PLCB1: variants seen among roughly 807,000 people sequenced by gnomAD.
PLCB1 encodes 1-phosphatidylinositol 4,5-bisphosphate phosphodiesterase beta-1.
Under a neutral mutation model 161.8 loss-of-function variants are expected in PLCB1, and 46 were observed. The ratio of observed to expected loss-of-function variants is 0.28; its 90% confidence interval spans 0.22 to 0.36. The LOEUF (loss-of-function observed/expected upper bound fraction) is 0.36. Ranked by LOEUF, PLCB1 falls within the 10% of genes least tolerant of loss-of-function variation. The pLI is 1.00. For synonymous variants in PLCB1, 517 were observed against 503.7 expected (o/e 1.03, Z -0.35); for missense variants, 1,016 against 1,472.5 (o/e 0.69, Z 5.07).
chr20:8,837,360 G>A (rs962295622), intron 31 of PLCB1, among the ~76,000 whole-genome samples: 21 of 152,256 alleles, frequency 1.4e-4, no homozygotes, highest in South Asian at 4.2e-4. Flanking sequence ...ATTTATAATA[G>A]AAAAGTTTGG....
intron 3 of PLCB1, among the ~76,000 whole-genome samples, chr20:8,590,471 T>C (rs867880045): frequency 5.9e-5 from 9 of 152,156 alleles, no homozygotes; most frequent in African/African-American, 2.2e-4. Context: ...GTTGTTGTTG[T>C]TGCTATTTCT....
intron 12 of PLCB1, among the ~76,000 whole-genome samples, chr20:8,711,753 C>T (rs1188112502): frequency 2.0e-5 from 3 of 152,144 alleles, no homozygotes; most frequent in African/African-American, 7.2e-5. Flanking sequence ...CCGTGCTTGA[C>T]TTGTGAGCCA....
chr20:8,518,703 G>A (rs1353333904), intron 3 of PLCB1, among the ~76,000 whole-genome samples: 1 of 151,912 alleles, frequency 6.6e-6, no homozygotes, highest in Non-Finnish European at 1.5e-5. Flanking sequence ...GAGGGCTGAT[G>A]GTTTCAGGAT....
intron 3 of PLCB1, among the ~76,000 whole-genome samples, chr20:8,387,410 C>T (rs537849384): frequency 6.6e-6 from 1 of 152,296 alleles, no homozygotes; most frequent in South Asian, 2.1e-4. Flanking sequence ...GCCAATGGAG[C>T]AGTCAGTACC....
At chr20:8,233,777 G>A (rs1166518278) in intron 2 of PLCB1, among the ~76,000 whole-genome samples, 1 of 152,056 alleles carries the variant, frequency 6.6e-6, no homozygotes, top group Non-Finnish European at 1.5e-5. Flanking sequence ...CTAATCTTCT[G>A]GCTTTAACAG....
chr20:8,872,921 C>T (rs1255192251), intron 31 of PLCB1, among the ~76,000 whole-genome samples: 1 of 152,192 alleles, frequency 6.6e-6, no homozygotes, highest in African/African-American at 2.4e-5. Context: ...ATTCTGTTAA[C>T]TGTGAGTTCC....
intron 31 of PLCB1, among the ~76,000 whole-genome samples, chr20:8,849,643 T>C (rs1171146054): frequency 2.0e-5 from 3 of 150,808 alleles, no homozygotes; most frequent in African/African-American, 4.9e-5. Context: ...GCCACTGCAC[T>C]CCAGCCTGGG....
intron 3 of PLCB1, among the ~76,000 whole-genome samples, chr20:8,538,266 A>G (rs1387532616): frequency 6.6e-6 from 1 of 152,250 alleles, no homozygotes; most frequent in Non-Finnish European, 1.5e-5. Flanking sequence ...TAAAAAATTC[A>G]CTTATTAGAA....
chr20:8,742,007 A>C (rs1173175018), intron 23 of PLCB1, among the ~76,000 whole-genome samples: 1 of 152,190 alleles, frequency 6.6e-6, no homozygotes, highest in Non-Finnish European at 1.5e-5. Context: ...AATACCTGGA[A>C]AATAGTATGA....
At chr20:8,234,918 T>A (rs567492373) in intron 2 of PLCB1, among the ~76,000 whole-genome samples, 3 of 152,124 alleles carry the variant, frequency 2.0e-5, no homozygotes, top group Non-Finnish European at 4.4e-5. Context: ...ATATTATGTT[T>A]AGAATGTGTA....
chr20:8,809,407 G>A (rs1030261395), intron 31 of PLCB1, among the ~76,000 whole-genome samples: 2 of 152,040 alleles, frequency 1.3e-5, no homozygotes, highest in Admixed American at 6.6e-5. Flanking sequence ...ACGCACCATC[G>A]GTAGTGGTGG....
At chr20:8,751,102 ATTT>A in intron 23 of PLCB1, 14 of 186,268 alleles carry the variant, frequency 7.5e-5, no homozygotes, top group Middle Eastern at 2.3e-3. Flanking sequence ...AGCCCGGCTA[ATTT>A]TTTTTTTTTT....
intron 31 of PLCB1, among the ~76,000 whole-genome samples, chr20:8,872,758 C>T (rs902335250): frequency 3.9e-5 from 6 of 152,100 alleles, no homozygotes; most frequent in Non-Finnish European, 8.8e-5. Context: ...TTCCTTGCCT[C>T]ATCTCCAAGG....
At chr20:8,391,773 ATATATGTGTG>A in intron 3 of PLCB1, among the ~76,000 whole-genome samples, 1 of 88,540 alleles carries the variant, frequency 1.1e-5, no homozygotes, top group Admixed American at 1.3e-4. Context: ...GTATATATAT[ATATATGTGTG>A]TGTATATATA....
intron 3 of PLCB1, among the ~76,000 whole-genome samples, chr20:8,468,176 GAA>G (rs1981901253): frequency 6.6e-6 from 1 of 152,150 alleles, no homozygotes; most frequent in East Asian, 1.9e-4. Flanking sequence ...ATATTGACTG[GAA>G]GAAGCGTGAG....
intron 2 of PLCB1, among the ~76,000 whole-genome samples, chr20:8,298,412 C>A (rs1009392792): frequency 1.5e-4 from 23 of 151,996 alleles, no homozygotes; most frequent in Middle Eastern, 3.4e-3. Context: ...GTGCTTGTGA[C>A]TAGCAGATGC....
chr20:8,731,373 A>G (rs1372185640), intron 18 of PLCB1, among the ~76,000 whole-genome samples: 3 of 151,846 alleles, frequency 2.0e-5, no homozygotes, highest in Non-Finnish European at 4.4e-5. Flanking sequence ...ACAAACTATT[A>G]ATGTTAACTA....
rs1222087195 is a variant in PLCB1, at chr20:8,389,130, C to T, written c.246+17680C>T. Among the ~76,000 whole-genome samples, 4 of 151,954 alleles carry T rather than the reference C, an allele frequency of 2.6e-5. No homozygotes were observed. The South Asian group carries it at 6.2e-4, about 24-fold the overall frequency. On this transcript the variant is annotated intron_variant, in intron 3 of 31. Coordinates refer to ENST00000338037, the MANE Select transcript of PLCB1 (RefSeq NM_015192.4). ...AAAGCTTTTTACTTTAAAAAAAAAT[C>T]GCAGATATGTTAAGTCTTTTCTGGG...
chr20:8,490,550 G>A (rs927908819), intron 3 of PLCB1, among the ~76,000 whole-genome samples: 2 of 152,154 alleles, frequency 1.3e-5, no homozygotes, highest in Non-Finnish European at 2.9e-5. Flanking sequence ...ATGGCAAACT[G>A]TTTACAAAGT....
Sources: allele counts gnomAD v4.1 joint callset (sites outside exome capture counted in the v4.1 genomes callset), GRCh38; gene constraint gnomAD v4.1.1; transcripts MANE v1.5; gene names NCBI Gene and HGNC (gene_info 2026-07-23, HGNC 2026-07-21).